The following TOX variants were observed in gnomAD, a reference collection of about 807,000 sequenced individuals.
TOX encodes the protein thymocyte selection-associated high mobility group box protein TOX.
Under a neutral mutation model 53.7 loss-of-function variants are expected in TOX, and 11 were observed. The observed-to-expected ratio is 0.20, with a 90% CI of 0.13 to 0.34. TOX has a LOEUF of 0.34. Ranked by LOEUF, TOX falls within the 10% of genes least tolerant of loss-of-function variation. The probability of loss-of-function intolerance (pLI) is 1.00; values close to 1 mark genes in which losing one functional copy is unlikely to be tolerated. For missense variants in TOX, 570 were observed against 664.6 expected (o/e 0.86, Z 1.56); for synonymous variants, 225 against 245.3 (o/e 0.92, Z 0.77).
At chr8:59,004,214 A>G (rs1481389682) in intron 1 of TOX, among the ~76,000 whole-genome samples, 1 of 152,224 alleles carries the variant, frequency 6.6e-6, no homozygotes, top group Non-Finnish European at 1.5e-5. Context: ...CTGAGAGATA[A>G]AAATAGTCAT....
At chr8:58,869,872 C>T (rs901495438) in intron 3 of TOX, among the ~76,000 whole-genome samples, 8 of 151,394 alleles carry the variant, frequency 5.3e-5, no homozygotes, top group African/African-American at 1.9e-4. Flanking sequence ...CAAAATATAA[C>T]ACCATGCATG....
At chr8:58,931,858 T>A (rs1202366390) in intron 3 of TOX, among the ~76,000 whole-genome samples, 1 of 152,204 alleles carries the variant, frequency 6.6e-6, no homozygotes, top group Non-Finnish European at 1.5e-5. Flanking sequence ...CAAGAACTCC[T>A]ATATACCAAG....
chr8:59,105,628 A>G (rs1232878365), intron 1 of TOX, among the ~76,000 whole-genome samples: 2 of 152,200 alleles, frequency 1.3e-5, no homozygotes, highest in African/African-American at 2.4e-5. Context: ...AGCCTAGAAC[A>G]AAGTTATAAG....
chr8:59,071,393 C>T (rs73256324), intron 1 of TOX, among the ~76,000 whole-genome samples: 1,738 of 152,292 alleles, frequency 0.011, 48 homozygotes, highest in African/African-American at 0.039. Context: ...GGAATCTTTT[C>T]CTCACTGGAC....
In TOX at chr8:58,902,415, A is replaced by G. The variant is rs572291833; in HGVS notation, c.411+36887T>C. Among the ~76,000 whole-genome samples the G allele has an allele frequency of 7.2e-5, 11 of 152,262 alleles. No individual in the cohort carries two copies. The East Asian group carries it at 2.1e-3, about 29-fold the overall frequency. Reference sequence around the variant, plus strand: ...CCAGATGCAGGACGGGGGGTCCTATAGGAGAATGATTAGGCTCACAAAGAC... The same window carrying G: ...CCAGATGCAGGACGGGGGGTCCTATGGGAGAATGATTAGGCTCACAAAGAC... On this transcript the variant is annotated intron_variant, in intron 3 of 8. Coordinates refer to ENST00000361421, the MANE Select transcript of TOX (RefSeq NM_014729.3).
intron 2 of TOX, among the ~76,000 whole-genome samples, chr8:58,949,938 A>G (rs1812594369): frequency 7.6e-6 from 1 of 131,666 alleles, no homozygotes; most frequent in African/African-American, 2.8e-5. Flanking sequence ...TGTATAGTTC[A>G]TATACACGTG....
intron 1 of TOX, among the ~76,000 whole-genome samples, chr8:59,060,654 A>T (rs183512657): frequency 1.3e-5 from 2 of 152,270 alleles, no homozygotes; most frequent in Admixed American, 1.3e-4. Context: ...ACAAACAAAC[A>T]TTTTATATGT....
At chr8:58,992,401 A>C (rs1813471977) in intron 1 of TOX, among the ~76,000 whole-genome samples, 1 of 152,180 alleles carries the variant, frequency 6.6e-6, no homozygotes, top group Non-Finnish European at 1.5e-5. Flanking sequence ...TTATATAGGC[A>C]CAGGATGTCT....
intron 1 of TOX, among the ~76,000 whole-genome samples, chr8:58,960,728 A>G (rs1422004143): frequency 1.3e-5 from 2 of 152,232 alleles, no homozygotes; most frequent in Non-Finnish European, 2.9e-5. Flanking sequence ...GGGCAGCACA[A>G]TTGGAGAACT....
At chr8:59,090,764 C>T (rs1006366568) in intron 1 of TOX, among the ~76,000 whole-genome samples, 1 of 152,158 alleles carries the variant, frequency 6.6e-6, no homozygotes, top group Admixed American at 6.5e-5. Flanking sequence ...AGCCCCATCT[C>T]ATCACTCTGG....
At chr8:59,010,816 G>T (rs1813890970) in intron 1 of TOX, among the ~76,000 whole-genome samples, 1 of 152,146 alleles carries the variant, frequency 6.6e-6, no homozygotes, top group Non-Finnish European at 1.5e-5. Context: ...AAACAAATTG[G>T]AGTTAATTTA....
intron 1 of TOX, among the ~76,000 whole-genome samples, chr8:59,021,481 A>ATATATATATATATAT (rs1554539852): frequency 1.5e-5 from 1 of 64,734 alleles, no homozygotes; most frequent in African/African-American, 5.3e-5. Flanking sequence ...AAAAAAAAAA[A>ATATATATATATATAT]ATATATATAT....
intron 1 of TOX, among the ~76,000 whole-genome samples, chr8:59,084,668 C>T (rs1342434920): frequency 6.6e-6 from 1 of 152,194 alleles, no homozygotes. Context: ...AAATGCTCTG[C>T]TAATTCTCTC....
intron 6 of TOX, among the ~76,000 whole-genome samples, chr8:58,823,835 A>G (rs1810320691): frequency 6.6e-6 from 1 of 152,336 alleles, no homozygotes; most frequent in South Asian, 2.1e-4. Flanking sequence ...GACTGTGACT[A>G]TGACATGGCC....
chr8:58,810,423 C>T (rs1383862109), intron 7 of TOX, among the ~76,000 whole-genome samples: 1 of 152,188 alleles, frequency 6.6e-6, no homozygotes, highest in African/African-American at 2.4e-5. Context: ...TCACTGCAGT[C>T]TCGACCTCCT....
chr8:58,998,524 T>TA (rs1563413430), intron 1 of TOX, among the ~76,000 whole-genome samples: 5 of 14,776 alleles, frequency 3.4e-4, no homozygotes, highest in Non-Finnish European at 6.5e-4. Flanking sequence ...TATATATATA[T>TA]ATATATATAT....
At chr8:58,865,875 T>C (rs1198885509) in intron 3 of TOX, among the ~76,000 whole-genome samples, 24 of 124,338 alleles carry the variant, frequency 1.9e-4, no homozygotes, top group Non-Finnish European at 3.1e-4. Context: ...CACTCTGTCG[T>C]CCAGGCTGGA....
chr8:58,915,052 C>T (rs1195282194), intron 3 of TOX, among the ~76,000 whole-genome samples: 4 of 148,752 alleles, frequency 2.7e-5, no homozygotes, highest in Non-Finnish European at 4.5e-5. Flanking sequence ...GAGGGTCCTA[C>T]GCCCACGGAA....
At chr8:58,818,876 G>A (rs1357418283) in intron 6 of TOX, among the ~76,000 whole-genome samples, 2 of 152,170 alleles carry the variant, frequency 1.3e-5, no homozygotes, top group Admixed American at 6.5e-5. Context: ...GGTCTTGGGG[G>A]AATGGCAGTA....
Sources: gnomAD v4.1 joint callset for allele counts (sites outside exome capture counted in the v4.1 genomes callset) on GRCh38, gnomAD v4.1.1 for gene constraint, MANE v1.5 for transcripts, NCBI Gene and HGNC (gene_info 2026-07-23, HGNC 2026-07-21) for gene names.